FAM222B: variants seen among roughly 807,000 people sequenced by gnomAD.
FAM222B encodes family with sequence similarity 222 member B.
In FAM222B, 12 loss-of-function variants were observed where a neutral mutation model predicts 38.0. That is an observed-to-expected ratio of 0.32 (90% confidence interval 0.20 to 0.51). FAM222B has a LOEUF of 0.51. FAM222B is among the 20% of genes least tolerant of loss of function. The probability of loss-of-function intolerance (pLI) is 0.97; values close to 1 mark genes in which losing one functional copy is unlikely to be tolerated. For missense variants in FAM222B, 716 were observed against 754.2 expected (o/e 0.95, Z 0.59); for synonymous variants, 329 against 317.2 (o/e 1.04, Z -0.40).
At chr17:28,813,783 T>C (rs1597999825) in intron 1 of FAM222B, among the ~76,000 whole-genome samples, 1 of 151,690 alleles carries the variant, frequency 6.6e-6, no homozygotes, top group African/African-American at 2.4e-5. Context: ...CCTGACGTCG[T>C]GATCCGCCCG....
At position 28,766,718 on chromosome 17, in the gene FAM222B, C is replaced by A; in HGVS notation, c.-40-11G>T. The stretch of plus-strand genomic sequence containing the variant: ...GGGCAGTGGCTCACACTGTAATGAA[C>A]AAAAACAAGGTCATGAAACACAAGG... On this transcript the variant is annotated splice_polypyrimidine_tract_variant and intron_variant, in intron 1 of 2. Coordinates refer to ENST00000581407, the MANE Select transcript of FAM222B (RefSeq NM_001077498.3). 6.9e-7 allele frequency: 1 copy of A among 1,438,950 alleles called. No homozygotes were observed. Among genetic ancestry groups the A allele is most frequent in the South Asian group, 1.2e-5 (1 of 82,304 alleles). 89.1% of individuals were successfully genotyped at this position (1,438,950 alleles called of 1,614,324 possible).
intron 1 of FAM222B, among the ~76,000 whole-genome samples, chr17:28,788,115 C>T (rs2036503319): frequency 6.6e-6 from 1 of 152,144 alleles, no homozygotes; most frequent in Non-Finnish European, 1.5e-5. Context: ...TGAGCCACCG[C>T]ACCCAGCCTA....
At chr17:28,813,091 T>G (rs1475348931) in intron 1 of FAM222B, among the ~76,000 whole-genome samples, 24 of 42,838 alleles carry the variant, frequency 5.6e-4, no homozygotes, top group African/African-American at 8.6e-4. Context: ...TAGAAGTTGG[T>G]GGGGTGGAGA....
chr17:28,784,673 AC>A (rs534969044), intron 1 of FAM222B, among the ~76,000 whole-genome samples: 7 of 152,066 alleles, frequency 4.6e-5, no homozygotes, highest in Admixed American at 3.9e-4. Context: ...TACTAAAAAT[AC>A]AAAAAATTAG....
At chr17:28,777,136 C>T (rs1372680450) in intron 1 of FAM222B, 1 of 152,108 alleles carries the variant, frequency 6.6e-6, no homozygotes, top group Non-Finnish European at 1.5e-5. Flanking sequence ...CAATTGTGAC[C>T]TCACAACTCT....
intron 1 of FAM222B, among the ~76,000 whole-genome samples, chr17:28,794,011 AGT>A (rs1260681319): frequency 1.3e-5 from 2 of 152,080 alleles, no homozygotes; most frequent in African/African-American, 4.8e-5. Context: ...GGCCTCCCAA[AGT>A]GTTGGGATTA....
intron 1 of FAM222B, among the ~76,000 whole-genome samples, chr17:28,811,319 A>G (rs915386538): frequency 1.3e-5 from 2 of 152,164 alleles, no homozygotes. Context: ...AGGCGCCTGT[A>G]ATCCCAGCTA....
Position 28,758,923 on chromosome 17 carries a change from G to A in FAM222B, c.1036C>T (p.Pro346Ser). 2 of 1,609,600 alleles carry A rather than the reference G, an allele frequency of 1.2e-6. No homozygotes were observed. Among genetic ancestry groups the A allele is most frequent in the African/African-American group, 1.3e-5 (1 of 74,986 alleles). Residue 346 changes from proline (P) to serine (S), a missense_variant, in exon 3 of 3, where the codon CCC becomes TCC. Coordinates refer to ENST00000581407, the MANE Select transcript of FAM222B (RefSeq NM_001077498.3). ...GTGGGGACGCGAGAGATGCCTGTGG[G>A]CAGGTTGACAGGACCTGCAGCAGGC... ...ALPAAGPVNL[P>S]TGISRVPTGY...
At chr17:28,790,085 AT>A (rs1469100084) in intron 1 of FAM222B, among the ~76,000 whole-genome samples, 2 of 152,056 alleles carry the variant, frequency 1.3e-5, no homozygotes, top group African/African-American at 2.4e-5. Context: ...TATTTATATA[AT>A]TTTTTTTCTT....
rs772532734 is a variant in FAM222B at position 28,758,885 on chromosome 17, G to A, written c.1074C>T (p.Ser358=). The change falls in exon 3 of 3, where the codon AGC becomes AGT. Residue 358 remains serine, a synonymous_variant. Coordinates refer to ENST00000581407, the MANE Select transcript of FAM222B (RefSeq NM_001077498.3). ...GISRVPTGYP[S]DLKPVTWNQH... ...GGTTCCAGGTGACTGGCTTGAGGTC[G>A]CTAGGGTAGCCAGTGGGGACGCGAG... 7.5e-6 allele frequency: 12 copies of A among 1,608,150 alleles called. No individual in the cohort carries two copies. Among genetic ancestry groups the A allele is most frequent in the Non-Finnish European group, 1.0e-5 (12 of 1,177,988 alleles).
intron 1 of FAM222B, among the ~76,000 whole-genome samples, chr17:28,852,112 A>G (rs2039186161): frequency 6.6e-6 from 1 of 151,800 alleles, no homozygotes. Flanking sequence ...TCACGCCTGC[A>G]ATCCTAGCAC....
chr17:28,847,116 G>A (rs951080183), upstream of FAM222B, among the ~76,000 whole-genome samples: 2 of 151,176 alleles, frequency 1.3e-5, no homozygotes, highest in African/African-American at 4.9e-5. Flanking sequence ...CCAGCTACTC[G>A]GGAGGCTGAG....
chr17:28,801,105 C>T (rs1225367814), intron 1 of FAM222B, among the ~76,000 whole-genome samples: 4 of 148,774 alleles, frequency 2.7e-5, no homozygotes, highest in Admixed American at 1.4e-4. Flanking sequence ...TAAAGTGAGC[C>T]GAGATCGTGC....
chr17:28,770,478 C>T (rs2035571926), intron 1 of FAM222B, among the ~76,000 whole-genome samples: 2 of 152,272 alleles, frequency 1.3e-5, no homozygotes, highest in South Asian at 2.1e-4. Flanking sequence ...TCTTGGCTCA[C>T]TGCAACCTCC....
rs1332286746 is a variant in FAM222B at position 28,756,200 on chromosome 17, G to A, written c.*2070C>T. 1.3e-5 allele frequency: 2 copies of A among 152,982 alleles called. No individual in the cohort carries two copies. The highest frequency in any genetic ancestry group is 4.8e-5 in the African/African-American group (2 of 41,412). The allele number at this position is 152,982 out of a possible 1,614,324, so 9.5% of individuals were successfully genotyped here. On this transcript the variant is annotated 3_prime_UTR_variant, in exon 3 of 3. Coordinates refer to ENST00000581407, the MANE Select transcript of FAM222B (RefSeq NM_001077498.3). ...TGCTGGCTGGGGGTTGGCTGGCAGA[G>A]GGGAGAGGGACTCAGGCTGAACTCC... is the stretch of plus-strand genomic sequence containing the variant.
At chr17:28,776,300 C>T (rs182128685) in intron 1 of FAM222B, among the ~76,000 whole-genome samples, 4 of 148,664 alleles carry the variant, frequency 2.7e-5, no homozygotes, top group Admixed American at 2.0e-4. Flanking sequence ...TGGTGTGAAC[C>T]CAGGAAGCAG....
At chr17:28,812,593 A>G (rs887376559) in intron 1 of FAM222B, among the ~76,000 whole-genome samples, 12 of 152,302 alleles carry the variant, frequency 7.9e-5, no homozygotes, top group African/African-American at 1.9e-4. Flanking sequence ...CAGGGAGGTC[A>G]GCCACCGGGA....
intron 2 of FAM222B, among the ~76,000 whole-genome samples, chr17:28,766,297 A>G (rs2035324044): frequency 6.6e-6 from 1 of 152,060 alleles, no homozygotes; most frequent in African/African-American, 2.4e-5. Context: ...TCTACTAAAA[A>G]TAGAAAATTA....
intron 1 of FAM222B, among the ~76,000 whole-genome samples, chr17:28,778,670 ATTTT>A (rs377460299): frequency 4.6e-5 from 4 of 87,132 alleles, no homozygotes; most frequent in African/African-American, 2.0e-4. Flanking sequence ...TGCCTAGCTA[ATTTT>A]TTTTTTGTGT....
Sources: allele counts gnomAD v4.1 joint callset (sites outside exome capture counted in the v4.1 genomes callset), GRCh38; gene constraint gnomAD v4.1.1; transcripts MANE v1.5; gene names NCBI Gene and HGNC (gene_info 2026-07-23, HGNC 2026-07-21).